NECAB1: variants seen among roughly 807,000 people sequenced by gnomAD.
NECAB1 encodes the protein N-terminal EF-hand calcium-binding protein 1.
A neutral mutation model predicts 57.5 loss-of-function variants in NECAB1; 29 were observed. That is an observed-to-expected ratio of 0.50 (90% CI 0.38 to 0.69). NECAB1 has a LOEUF of 0.69. Among genes scored for constraint, NECAB1 ranks in the 30% least tolerant of loss-of-function variants. The pLI, the probability that NECAB1 is intolerant of heterozygous loss-of-function variation, is 0.00. For missense variants in NECAB1, 372 were observed against 413.8 expected (o/e 0.90, Z 0.88); for synonymous variants, 142 against 147.7 (o/e 0.96, Z 0.28).
At chr8:90,897,373 A>G (rs539141211) in intron 5 of NECAB1, among the ~76,000 whole-genome samples, 1 of 152,342 alleles carries the variant, frequency 6.6e-6, no homozygotes, top group African/African-American at 2.4e-5. Flanking sequence ...AAAACTACCA[A>G]TATGGTCATT....
intron 3 of NECAB1, among the ~76,000 whole-genome samples, chr8:90,828,487 TG>T (rs940128495): frequency 1.3e-5 from 2 of 152,042 alleles, no homozygotes; most frequent in African/African-American, 4.8e-5. Flanking sequence ...GAGAATTCCA[TG>T]AATCATCCTA....
At chr8:90,939,620 G>A (rs1021360241) in intron 9 of NECAB1, among the ~76,000 whole-genome samples, 5 of 152,170 alleles carry the variant, frequency 3.3e-5, no homozygotes, top group African/African-American at 9.7e-5. Context: ...AATCACAAAT[G>A]TCCAACCAAG....
chr8:90,801,256 C>T (rs566434110), intron 1 of NECAB1, among the ~76,000 whole-genome samples: 45 of 152,310 alleles, frequency 3.0e-4, no homozygotes, highest in African/African-American at 1.1e-3. Flanking sequence ...GTAATCCACC[C>T]TCCCCTGCCC....
intron 3 of NECAB1, among the ~76,000 whole-genome samples, chr8:90,837,201 C>T (rs1812382856): frequency 6.6e-6 from 1 of 152,244 alleles, no homozygotes; most frequent in Admixed American, 6.5e-5. Flanking sequence ...CGAAGGCCAG[C>T]CACCTAAGGA....
intron 3 of NECAB1, among the ~76,000 whole-genome samples, chr8:90,863,027 C>T (rs1450826112): frequency 6.6e-6 from 1 of 151,892 alleles, no homozygotes; most frequent in South Asian, 2.1e-4. Flanking sequence ...TATGTAAACC[C>T]CAGAAAAATC....
intron 3 of NECAB1, among the ~76,000 whole-genome samples, chr8:90,858,249 A>C (rs972235322): frequency 6.6e-6 from 1 of 152,210 alleles, no homozygotes; most frequent in Admixed American, 6.5e-5. Flanking sequence ...CAATCTTTAA[A>C]TAAAGACACT....
intron 3 of NECAB1, 56 bp downstream of exon 3, chr8:90,824,881 C>A: frequency 1.2e-6 from 1 of 852,726 alleles, no homozygotes; most frequent in Non-Finnish European, 1.8e-6. Context: ...AGCGTGAATG[C>A]ATTCATGTCC....
At chr8:90,884,175 C>A (rs1314732115) in intron 5 of NECAB1, among the ~76,000 whole-genome samples, 1 of 152,142 alleles carries the variant, frequency 6.6e-6, no homozygotes, top group Non-Finnish European at 1.5e-5. Context: ...ACACAGCCTA[C>A]AATACATTTT....
intron 4 of NECAB1, among the ~76,000 whole-genome samples, chr8:90,879,315 A>G (rs1697770329): frequency 6.6e-6 from 1 of 150,738 alleles, no homozygotes. Flanking sequence ...CAGCCTCCCA[A>G]GTAGCTGGGA....
chr8:90,797,238 A>T (rs1307881925), intron 1 of NECAB1, among the ~76,000 whole-genome samples: 1 of 152,204 alleles, frequency 6.6e-6, no homozygotes, highest in Non-Finnish European at 1.5e-5. Flanking sequence ...CTCCTGCAGT[A>T]ATTACATCAA....
intron 6 of NECAB1, 117 bp from the exon 7 acceptor site, chr8:90,925,418 T>C: frequency 8.7e-7 from 1 of 1,153,868 alleles, no homozygotes; most frequent in Non-Finnish European, 1.2e-6. Context: ...GTCATTCTCA[T>C]AAGTTTTCAT....
Position 90,791,779 on chromosome 8 carries a change from C to T in NECAB1, c.-108C>T. The stretch of plus-strand genomic sequence containing the variant: ...GCGCGCGCGGGAGCGAACACCCTCC[C>T]GGATCCAGAGCCCGGCGGCGGCGAA... On this transcript the variant is annotated 5_prime_UTR_variant, in exon 1 of 13. Coordinates refer to ENST00000417640, the MANE Select transcript of NECAB1 (RefSeq NM_022351.5). 2 of 842,906 alleles carry T rather than the reference C, an allele frequency of 2.4e-6. No homozygotes were observed. Among genetic ancestry groups the T allele is most frequent in the Non-Finnish European group, 3.7e-6 (2 of 541,344 alleles). The allele number at this position is 842,906 out of a possible 1,614,324, so 52.2% of individuals were successfully genotyped here.
At chr8:90,945,168 A>T (rs781665634) in intron 10 of NECAB1, among the ~76,000 whole-genome samples, 1 of 152,122 alleles carries the variant, frequency 6.6e-6, no homozygotes, top group Non-Finnish European at 1.5e-5. Context: ...CCCAGGTTCA[A>T]GCAATTCTCC....
At chr8:90,896,710 C>T (rs984278649) in intron 5 of NECAB1, among the ~76,000 whole-genome samples, 1 of 152,170 alleles carries the variant, frequency 6.6e-6, no homozygotes, top group African/African-American at 2.4e-5. Context: ...CCTCGTAAAG[C>T]AATCTTTTTC....
chr8:90,917,014 C>T (rs939485694), intron 5 of NECAB1, among the ~76,000 whole-genome samples: 1 of 152,106 alleles, frequency 6.6e-6, no homozygotes, highest in Non-Finnish European at 1.5e-5. Flanking sequence ...CAGCATAATA[C>T]GGATCAAGCA....
At chr8:90,847,314 C>T (rs367549168) in intron 3 of NECAB1, among the ~76,000 whole-genome samples, 26 of 152,258 alleles carry the variant, frequency 1.7e-4, no homozygotes, top group Middle Eastern at 3.2e-3. Context: ...ATCCAGGTCA[C>T]GCTGATCCAA....
intron 5 of NECAB1, among the ~76,000 whole-genome samples, chr8:90,903,433 G>T (rs1281873051): frequency 2.0e-5 from 3 of 152,054 alleles, no homozygotes; most frequent in Non-Finnish European, 2.9e-5. Context: ...GTAATTGTAG[G>T]TTTGTTATAA....
intron 12 of NECAB1, among the ~76,000 whole-genome samples, chr8:90,954,382 T>C (rs923959081): frequency 2.0e-5 from 3 of 152,066 alleles, no homozygotes; most frequent in Non-Finnish European, 4.4e-5. Flanking sequence ...ATCATTCAAA[T>C]GAAGCATACT....
intron 8 of NECAB1, among the ~76,000 whole-genome samples, chr8:90,929,675 A>T (rs1563538954): frequency 6.6e-6 from 1 of 152,232 alleles, no homozygotes; most frequent in Non-Finnish European, 1.5e-5. Flanking sequence ...CACAGTACAG[A>T]AAGAAGAAGA....
Sources: gnomAD v4.1 joint callset for allele counts (sites outside exome capture counted in the v4.1 genomes callset) on GRCh38, gnomAD v4.1.1 for gene constraint, MANE v1.5 for transcripts, NCBI Gene and HGNC (gene_info 2026-07-23, HGNC 2026-07-21) for gene names.